Variants in GALNTL6 observed in about 807,000 individuals in gnomAD.
GALNTL6 encodes polypeptide N-acetylgalactosaminyltransferase like 6.
A neutral mutation model predicts 73.7 loss-of-function variants in GALNTL6; 46 were observed. The observed-to-expected ratio is 0.62, with a 90% CI of 0.49 to 0.80. GALNTL6 has a LOEUF of 0.80. Among genes scored for constraint, GALNTL6 ranks in the 30% least tolerant of loss-of-function variants. The probability of loss-of-function intolerance (pLI) is 0.00; values close to 1 mark genes in which losing one functional copy is unlikely to be tolerated. For missense variants in GALNTL6, 604 were observed against 755.0 expected, an observed-to-expected ratio of 0.80 and a Z score of 2.34; for synonymous variants, 259 against 263.7, an observed-to-expected ratio of 0.98 and a Z score of 0.17.
At chr4:173,038,368 G>A (rs897117541) in intron 12 of GALNTL6, among the ~76,000 whole-genome samples, 2 of 152,140 alleles carry the variant, frequency 1.3e-5, no homozygotes, top group Non-Finnish European at 2.9e-5. Flanking sequence ...AGGACCCTCA[G>A]AAAGAAGGGC....
At chr4:172,014,004 A>G (rs1741106364) in intron 2 of GALNTL6, among the ~76,000 whole-genome samples, 1 of 152,048 alleles carries the variant, frequency 6.6e-6, no homozygotes, top group African/African-American at 2.4e-5. Flanking sequence ...ATTTCACTTA[A>G]CATAATGATC....
At chr4:172,857,902 T>G (rs1011755325) in intron 7 of GALNTL6, among the ~76,000 whole-genome samples, 2 of 152,198 alleles carry the variant, frequency 1.3e-5, no homozygotes, top group Non-Finnish European at 2.9e-5. Flanking sequence ...AACTGGAGAC[T>G]AATCCATGGT....
chr4:171,916,699 C>G (rs1014337221), intron 2 of GALNTL6, among the ~76,000 whole-genome samples: 1 of 152,008 alleles, frequency 6.6e-6, no homozygotes, highest in African/African-American at 2.4e-5. Context: ...TTCCAGACTT[C>G]TTACTTGAAC....
At chr4:172,429,996 A>G (rs1304369524) in intron 5 of GALNTL6, among the ~76,000 whole-genome samples, 2 of 152,042 alleles carry the variant, frequency 1.3e-5, no homozygotes, top group Non-Finnish European at 2.9e-5. Context: ...GTAAAAACTA[A>G]TAGATATGAT....
intron 10 of GALNTL6, among the ~76,000 whole-genome samples, chr4:172,969,427 T>C (rs1427315888): frequency 1.3e-5 from 2 of 152,176 alleles, no homozygotes; most frequent in African/African-American, 4.8e-5. Context: ...CATAAAACTA[T>C]AATTCAAAGA....
At chr4:172,627,219 A>T (rs1038662588) in intron 5 of GALNTL6, among the ~76,000 whole-genome samples, 5 of 152,128 alleles carry the variant, frequency 3.3e-5, no homozygotes, top group African/African-American at 1.2e-4. Context: ...GTTGAATTTC[A>T]TCAAAGGCTG....
chr4:173,029,526 A>G (rs1368639265), intron 12 of GALNTL6, among the ~76,000 whole-genome samples: 1 of 152,214 alleles, frequency 6.6e-6, no homozygotes, highest in Non-Finnish European at 1.5e-5. Context: ...TCAACAAAGA[A>G]AGTAGAATAA....
chr4:171,883,720 T>G (rs1736526127), intron 2 of GALNTL6, among the ~76,000 whole-genome samples: 1 of 151,686 alleles, frequency 6.6e-6, no homozygotes, highest in African/African-American at 2.4e-5. Flanking sequence ...CTATCTCAGC[T>G]CACTGCAAGC....
chr4:172,029,383 T>C (rs1440485973), intron 2 of GALNTL6, among the ~76,000 whole-genome samples: 1 of 152,070 alleles, frequency 6.6e-6, no homozygotes, highest in Non-Finnish European at 1.5e-5. Context: ...CAATTAATAT[T>C]GATTTAACCT....
At chr4:172,008,833 T>A (rs1740913925) in intron 2 of GALNTL6, among the ~76,000 whole-genome samples, 1 of 152,072 alleles carries the variant, frequency 6.6e-6, no homozygotes, top group African/African-American at 2.4e-5. Flanking sequence ...AGCTTCAACC[T>A]CCAATCTTTA....
chr4:172,130,195 T>A (rs1733449948), intron 2 of GALNTL6, among the ~76,000 whole-genome samples: 1 of 150,934 alleles, frequency 6.6e-6, no homozygotes, highest in Non-Finnish European at 1.5e-5. Context: ...TTTTTTTTTT[T>A]TTTTTTTAGC....
intron 7 of GALNTL6, among the ~76,000 whole-genome samples, chr4:172,855,262 C>T (rs1744066502): frequency 6.7e-6 from 1 of 150,262 alleles, no homozygotes; most frequent in South Asian, 2.1e-4. Context: ...ATGTGATTCA[C>T]ATACCACTGT....
intron 12 of GALNTL6, among the ~76,000 whole-genome samples, chr4:173,024,912 T>C (rs1040536002): frequency 6.6e-6 from 1 of 152,118 alleles, no homozygotes; most frequent in Non-Finnish European, 1.5e-5. Context: ...GCCATGCTCT[T>C]AAGGAATAAG....
At chr4:172,752,311 A>T (rs1349188768) in intron 5 of GALNTL6, among the ~76,000 whole-genome samples, 1 of 152,124 alleles carries the variant, frequency 6.6e-6, no homozygotes, top group Admixed American at 6.5e-5. Context: ...AATATAACAA[A>T]AATAAATTAA....
chr4:172,235,306 C>T lies in GALNTL6; in HGVS notation c.247+5542C>T, dbSNP rs552698985. Among the ~76,000 whole-genome samples the T allele has an allele frequency of 2.0e-5, 3 of 152,146 alleles. No homozygotes were observed. In the East Asian group the frequency reaches 5.8e-4, roughly 30 times the overall value. ...CACTGCAACCTTCACCTGCCGGGTT[C>T]AGGCGATTCTCCTGCCTCAGCCTCC... is the stretch of plus-strand genomic sequence containing the variant. On this transcript the variant is annotated intron_variant, in intron 3 of 12. Coordinates refer to ENST00000506823, the MANE Select transcript of GALNTL6 (RefSeq NM_001034845.3).
intron 2 of GALNTL6, among the ~76,000 whole-genome samples, chr4:171,936,052 C>A (rs977214133): frequency 1.3e-5 from 2 of 152,098 alleles, no homozygotes; most frequent in African/African-American, 4.8e-5. Context: ...GAATAGAAAA[C>A]TTAGACAAAA....
At chr4:171,914,852 T>C (rs891816172) in intron 2 of GALNTL6, among the ~76,000 whole-genome samples, 2 of 151,914 alleles carry the variant, frequency 1.3e-5, no homozygotes, top group African/African-American at 4.8e-5. Context: ...TTTAGAGTAT[T>C]TTTTTACACA....
chr4:172,824,106 G>A (rs2111031988), intron 7 of GALNTL6, among the ~76,000 whole-genome samples: 1 of 152,226 alleles, frequency 6.6e-6, no homozygotes, highest in East Asian at 1.9e-4. Context: ...GAATGGGAGG[G>A]CATAACAAGC....
At chr4:171,825,673 C>A (rs1734804872) in intron 2 of GALNTL6, among the ~76,000 whole-genome samples, 1 of 152,108 alleles carries the variant, frequency 6.6e-6, no homozygotes, top group Non-Finnish European at 1.5e-5. Context: ...ATAAGCAAGT[C>A]TATCACTTTA....
Sources: gnomAD v4.1 joint callset for allele counts (sites outside exome capture counted in the v4.1 genomes callset) on GRCh38, gnomAD v4.1.1 for gene constraint, MANE v1.5 for transcripts, NCBI Gene and HGNC (gene_info 2026-07-23, HGNC 2026-07-21) for gene names.